The following MTA3 variants were observed in gnomAD, a reference collection of about 807,000 sequenced individuals.
MTA3 encodes the protein metastasis associated 1 family member 3.
Under a neutral mutation model 83.5 loss-of-function variants are expected in MTA3, and 34 were observed. The ratio of observed to expected loss-of-function variants is 0.41; its 90% CI spans 0.31 to 0.54. MTA3 has a LOEUF of 0.54. Among genes scored for constraint, MTA3 ranks in the 20% least tolerant of loss-of-function variants. The pLI is 0.33. For synonymous variants in MTA3, 303 were observed against 252.7 expected (o/e 1.20, Z -1.89); for missense variants, 761 against 726.4 (o/e 1.05, Z -0.55).
chr2:42,723,503 TGAAAG>T (rs1310472141), intron 16 of MTA3, among the ~76,000 whole-genome samples: 1 of 152,218 alleles, frequency 6.6e-6, no homozygotes, highest in African/African-American at 2.4e-5. Context: ...CTACATGTCA[TGAAAG>T]GAATTGCCTG....
chr2:42,572,975 G>T (rs1049633992), intron 2 of MTA3, among the ~76,000 whole-genome samples: 6 of 152,050 alleles, frequency 3.9e-5, no homozygotes, highest in Non-Finnish European at 8.8e-5. Context: ...TGATCCACCC[G>T]CCCCAGCCTC....
intron 5 of MTA3, 109 bp downstream of exon 5, chr2:42,640,345 T>A: frequency 1.3e-6 from 1 of 748,794 alleles, no homozygotes; most frequent in Non-Finnish European, 2.1e-6. Context: ...ACCATTATAT[T>A]AATAGCAGTA....
chr2:42,642,735 C>T (rs1460982702), intron 5 of MTA3, among the ~76,000 whole-genome samples: 1 of 151,102 alleles, frequency 6.6e-6, no homozygotes, highest in African/African-American at 2.4e-5. Flanking sequence ...ACCTCTGCCT[C>T]CTGTGTTCAA....
chr2:42,733,617 C>G (rs563167640), intron 16 of MTA3, among the ~76,000 whole-genome samples: 8 of 152,224 alleles, frequency 5.3e-5, no homozygotes, highest in African/African-American at 1.7e-4. Flanking sequence ...TTTCATCGAC[C>G]CACTGGTCAT....
chr2:42,502,987 A>G (rs1674466810), intron 2 of MTA3, among the ~76,000 whole-genome samples: 1 of 151,694 alleles, frequency 6.6e-6, no homozygotes, highest in East Asian at 1.9e-4. Flanking sequence ...TAAATAAAAC[A>G]TTAAAAAAAA....
At chr2:42,616,153 G>A (rs887084678) in intron 4 of MTA3, among the ~76,000 whole-genome samples, 6 of 151,318 alleles carry the variant, frequency 4.0e-5, no homozygotes, top group African/African-American at 1.5e-4. Context: ...TCCGCCTCCC[G>A]GTTTCAAGCG....
intron 8 of MTA3, among the ~76,000 whole-genome samples, chr2:42,673,929 GA>G (rs1391255558): frequency 1.3e-5 from 2 of 152,210 alleles, no homozygotes; most frequent in African/African-American, 4.8e-5. Context: ...TAGTCTCAAA[GA>G]GGAAAACACA....
intron 2 of MTA3, among the ~76,000 whole-genome samples, chr2:42,547,528 A>G (rs1676811158): frequency 6.6e-6 from 1 of 152,170 alleles, no homozygotes; most frequent in South Asian, 2.1e-4. Context: ...TCAGGGTTTC[A>G]CCATGTTGGC....
Position 42,605,880 on chromosome 2 carries a change from G to A in MTA3, c.191-3578G>A, listed in dbSNP as rs554080124. Reference sequence around the variant, plus strand: ...TCCCTCCTGGACGGGGCGGTTGGCCGGGCAGAGGGGCTCCTCACTTCCCAG... The same window carrying A: ...TCCCTCCTGGACGGGGCGGTTGGCCAGGCAGAGGGGCTCCTCACTTCCCAG... On this transcript the variant is annotated intron_variant, in intron 3 of 16. Coordinates refer to ENST00000405094, the MANE Select transcript of MTA3 (RefSeq NM_001330442.2). Among the ~76,000 whole-genome samples the A allele has an allele frequency of 8.9e-3, 1,105 of 123,672 alleles. 19 individuals are homozygous for A. The highest frequency in any genetic ancestry group is 0.014 in the Non-Finnish European group (806 of 57,260). 81.1% of individuals were successfully genotyped at this position (123,672 alleles called of 152,430 possible).
At chr2:42,736,003 C>G (rs371871324) in intron 16 of MTA3, among the ~76,000 whole-genome samples, 5 of 152,236 alleles carry the variant, frequency 3.3e-5, no homozygotes, top group Admixed American at 3.3e-4. Context: ...TGTGGATATT[C>G]TTCAGTGTCT....
At chr2:42,635,406 T>G (rs1687087619) in intron 4 of MTA3, among the ~76,000 whole-genome samples, 1 of 152,044 alleles carries the variant, frequency 6.6e-6, no homozygotes, top group Non-Finnish European at 1.5e-5. Flanking sequence ...GGCGGGTGGA[T>G]CACCTGAAAT....
rs35633597 is a variant in MTA3 at position 42,664,466 on chromosome 2, C to CTTTTTTTTTTTTTTTTTTTTTTTTTTT, written c.702+4606_702+4632dup. Among the ~76,000 whole-genome samples the CTTTTTTTTTTTTTTTTTTTTTTTTTTT allele has an allele frequency of 1.2e-4, 10 of 85,746 alleles. 5 individuals are homozygous for CTTTTTTTTTTTTTTTTTTTTTTTTTTT. Among genetic ancestry groups the CTTTTTTTTTTTTTTTTTTTTTTTTTTT allele is most frequent in the South Asian group, 8.7e-4 (2 of 2,312 alleles). 56.3% of individuals were successfully genotyped at this position (85,746 alleles called of 152,430 possible). On this transcript the variant is annotated intron_variant, in intron 8 of 16. Coordinates refer to ENST00000405094, the MANE Select transcript of MTA3 (RefSeq NM_001330442.2). ...CCTACTACCCCCTCACCCCGCTTAC[C>CTTTTTTTTTTTTTTTTTTTTTTTTTTT]TTTTTTTTTTTTTTTTTTTTTTTTT...
chr2:42,548,848 T>TATATATATATATA (rs1676910428), intron 2 of MTA3, among the ~76,000 whole-genome samples: 2 of 25,742 alleles, frequency 7.8e-5, no homozygotes, highest in East Asian at 7.6e-4. Context: ...ATATATATAA[T>TATATATATATATA]ATATATATAT....
At chr2:42,505,307 G>A (rs541434158) in intron 2 of MTA3, among the ~76,000 whole-genome samples, 6 of 152,086 alleles carry the variant, frequency 3.9e-5, no homozygotes, top group Non-Finnish European at 5.9e-5. Flanking sequence ...CAGGAGAATC[G>A]CTTGAACCTG....
chr2:42,596,911 CT>C (rs911787653), intron 3 of MTA3, among the ~76,000 whole-genome samples: 14 of 147,978 alleles, frequency 9.5e-5, no homozygotes, highest in Non-Finnish European at 1.5e-4. Context: ...CACAAGTTAT[CT>C]TTTTTTTTTG....
intron 16 of MTA3, among the ~76,000 whole-genome samples, chr2:42,749,781 C>G (rs1024234587): frequency 1.3e-5 from 2 of 151,726 alleles, no homozygotes; most frequent in African/African-American, 4.8e-5. Context: ...AACAGTTGTT[C>G]TTTATATTTC....
At chr2:42,723,128 T>A in intron 16 of MTA3, 93 bp downstream of exon 16, 4 of 1,346,266 alleles carry the variant, frequency 3.0e-6, no homozygotes, top group Admixed American at 2.3e-5. Context: ...ATTATAAGCA[T>A]GTTCTTGTAT....
intron 6 of MTA3, among the ~76,000 whole-genome samples, chr2:42,653,139 T>C (rs1313821866): frequency 1.3e-5 from 2 of 152,178 alleles, no homozygotes; most frequent in Non-Finnish European, 2.9e-5. Context: ...TCTTCACAAT[T>C]AAACGAAGCA....
At chr2:42,615,362 A>T (rs560383997) in intron 4 of MTA3, among the ~76,000 whole-genome samples, 1,559 of 142,292 alleles carry the variant, frequency 0.011, 22 homozygotes, top group African/African-American at 0.039. Flanking sequence ...TTTATTTTTT[A>T]TTTTTTTTGA....
Sources: allele counts gnomAD v4.1 joint callset (sites outside exome capture counted in the v4.1 genomes callset), GRCh38; gene constraint gnomAD v4.1.1; transcripts MANE v1.5; gene names NCBI Gene and HGNC (gene_info 2026-07-23, HGNC 2026-07-21).